TTC29: variants seen among roughly 807,000 people sequenced by gnomAD.
TTC29 encodes tetratricopeptide repeat domain 29, also known as tetratricopeptide repeat protein 29.
Under a neutral mutation model 58.1 loss-of-function variants are expected in TTC29, and 49 were observed. That is an observed-to-expected ratio of 0.84 (90% CI 0.67 to 1.07). The LOEUF (loss-of-function observed/expected upper bound fraction) is 1.07. Among genes scored for constraint, TTC29 ranks in the 50% least tolerant of loss-of-function variants. The probability of loss-of-function intolerance (pLI) is 0.00; values close to 1 mark genes in which losing one functional copy is unlikely to be tolerated. For missense variants in TTC29, 582 were observed against 555.6 expected (o/e 1.05, Z -0.48); for synonymous variants, 209 against 196.8 (o/e 1.06, Z -0.52).
intron 11 of TTC29, among the ~76,000 whole-genome samples, chr4:146,728,816 T>TGTAAATATAC (rs1744049285): frequency 2.2e-5 from 1 of 46,078 alleles, no homozygotes; most frequent in Non-Finnish European, 7.2e-5. Flanking sequence ...CATATATATG[T>TGTAAATATAC]GTATATATAC....
intron 7 of TTC29, among the ~76,000 whole-genome samples, chr4:146,869,499 G>A (rs529473409): frequency 6.6e-6 from 1 of 152,250 alleles, no homozygotes; most frequent in Non-Finnish European, 1.5e-5. Flanking sequence ...TCTGGTACAG[G>A]ATTATGGGTT....
intron 10 of TTC29, among the ~76,000 whole-genome samples, chr4:146,806,348 C>T (rs1750615033): frequency 1.3e-5 from 2 of 152,178 alleles, no homozygotes; most frequent in South Asian, 4.1e-4. Flanking sequence ...AACCAGCTAG[C>T]ATCGTAATGA....
At chr4:146,751,387 C>T (rs1745979518) in intron 11 of TTC29, among the ~76,000 whole-genome samples, 1 of 152,138 alleles carries the variant, frequency 6.6e-6, no homozygotes, top group South Asian at 2.1e-4. Context: ...CAGAACTTTC[C>T]ACCAAACAGC....
intron 5 of TTC29, among the ~76,000 whole-genome samples, chr4:146,906,438 T>C (rs1733526537): frequency 6.6e-6 from 1 of 152,190 alleles, no homozygotes; most frequent in Non-Finnish European, 1.5e-5. Flanking sequence ...TGCTCAGTTA[T>C]ATGCTATCTC....
intron 6 of TTC29, among the ~76,000 whole-genome samples, chr4:146,877,279 A>AT (rs1202812470): frequency 1.3e-5 from 2 of 151,750 alleles, no homozygotes; most frequent in Non-Finnish European, 2.9e-5. Context: ...CTTTTTCTTG[A>AT]TTTTTTTTCT....
chr4:146,753,736 G>C (rs1318088558), intron 11 of TTC29, among the ~76,000 whole-genome samples: 1 of 152,136 alleles, frequency 6.6e-6, no homozygotes, highest in Non-Finnish European at 1.5e-5. Flanking sequence ...AAGAAATGAT[G>C]AGTTCATGTC....
chr4:146,738,962 AC>A (rs1744921824), intron 11 of TTC29, among the ~76,000 whole-genome samples: 1 of 152,148 alleles, frequency 6.6e-6, no homozygotes, highest in Non-Finnish European at 1.5e-5. Flanking sequence ...CTTCACCTGT[AC>A]CTTTGTAATA....
intron 10 of TTC29, among the ~76,000 whole-genome samples, chr4:146,819,818 A>G (rs952321701): frequency 6.6e-6 from 1 of 152,224 alleles, no homozygotes; most frequent in African/African-American, 2.4e-5. Context: ...TTTGAATTAA[A>G]TATTTTAATT....
chr4:146,721,549 G>T (rs529534629), intron 11 of TTC29, among the ~76,000 whole-genome samples: 1 of 152,242 alleles, frequency 6.6e-6, no homozygotes, highest in Admixed American at 6.5e-5. Context: ...TGAACAGTCT[G>T]CAGCTTATGA....
chr4:146,771,281 C>T (rs962666293), intron 11 of TTC29, among the ~76,000 whole-genome samples: 2 of 151,970 alleles, frequency 1.3e-5, no homozygotes, highest in Non-Finnish European at 2.9e-5. Context: ...ATTTTAGATT[C>T]AGGGGTACAT....
At chr4:146,846,093 T>G (rs2150176103) in intron 8 of TTC29, among the ~76,000 whole-genome samples, 1 of 152,242 alleles carries the variant, frequency 6.6e-6, no homozygotes, top group South Asian at 2.1e-4. Flanking sequence ...ATGTATTGAC[T>G]TTTGCATTCT....
Position 146,803,458 on chromosome 4 carries a change from A to T in TTC29, c.1329T>A (p.Thr443=). ...GTGTTCTAAAAACCAATGCCTTACC[A>T]GTAACTGGATCAGGTTCAATGTTAC... ...SRGNIEPDPV[T]EEFRGSTVEA... Residue 443 remains threonine, a splice_region_variant and synonymous_variant, in exon 11 of 13, where the codon ACT becomes ACA. Transcript: ENST00000325106. 1.3e-6 allele frequency: 2 copies of T among 1,570,614 alleles called. No homozygotes were observed. The highest frequency in any genetic ancestry group is 1.7e-6 in the Non-Finnish European group (2 of 1,155,008).
chr4:146,877,404 G>C (rs1383060699), intron 6 of TTC29, among the ~76,000 whole-genome samples: 2 of 151,994 alleles, frequency 1.3e-5, no homozygotes, highest in African/African-American at 4.8e-5. Flanking sequence ...TTCACATTGA[G>C]ACCAATACTC....
Position 146,719,711 on chromosome 4 carries a change from C to A in TTC29, c.1331-12160G>T, listed in dbSNP as rs972026533. Among the ~76,000 whole-genome samples the A allele has an allele frequency of 3.9e-5, 6 of 152,192 alleles. No individual in the cohort carries two copies. The East Asian group carries it at 1.2e-3, about 29-fold the overall frequency. On this transcript the variant is annotated intron_variant, in intron 11 of 12. Transcript: ENST00000325106. ...GAAAACCACTAATCTGACATGTAGG[C>A]TATGACAACTGAGATTGGCCTAGTG...
intron 6 of TTC29, among the ~76,000 whole-genome samples, chr4:146,893,311 T>C (rs1156550767): frequency 1.3e-5 from 2 of 152,142 alleles, no homozygotes; most frequent in African/African-American, 4.8e-5. Context: ...CAAAACAGCA[T>C]GGTACTGGTA....
chr4:146,730,221 A>C (rs1037710783), intron 11 of TTC29, among the ~76,000 whole-genome samples: 1 of 152,128 alleles, frequency 6.6e-6, no homozygotes. Context: ...CTGGGATACT[A>C]CACAGCCATA....
At chr4:146,925,331 C>A (rs1462246910) in intron 4 of TTC29, among the ~76,000 whole-genome samples, 1 of 152,034 alleles carries the variant, frequency 6.6e-6, no homozygotes, top group Admixed American at 6.6e-5. Flanking sequence ...TTCTACTTCT[C>A]CTCTTCTTTC....
At chr4:146,872,831 C>T (rs1263141257) in intron 7 of TTC29, among the ~76,000 whole-genome samples, 1 of 151,992 alleles carries the variant, frequency 6.6e-6, no homozygotes, top group African/African-American at 2.4e-5. Context: ...GGCAGCTCCT[C>T]AATAAGTTGA....
At chr4:146,928,652 A>G (rs1010593210) in intron 4 of TTC29, among the ~76,000 whole-genome samples, 2 of 152,124 alleles carry the variant, frequency 1.3e-5, no homozygotes, top group African/African-American at 4.8e-5. Flanking sequence ...TTTTTTATCT[A>G]TTCCTTTACT....
Sources: allele counts gnomAD v4.1 joint callset (sites outside exome capture counted in the v4.1 genomes callset), GRCh38; gene constraint gnomAD v4.1.1; transcripts MANE v1.5; gene names NCBI Gene and HGNC (gene_info 2026-07-23, HGNC 2026-07-21).